SLC7A1: variants seen among roughly 807,000 people sequenced by gnomAD.
The protein encoded by SLC7A1 is solute carrier family 7 member 1.
A neutral mutation model predicts 53.9 loss-of-function variants in SLC7A1; 10 were observed. The observed-to-expected ratio is 0.19, with a 90% CI of 0.11 to 0.31. The LOEUF (loss-of-function observed/expected upper bound fraction) is 0.31. Ranked by LOEUF, SLC7A1 falls within the 10% of genes least tolerant of loss-of-function variation. SLC7A1 has a pLI of 1.00. For synonymous variants in SLC7A1, 342 were observed against 338.7 expected (o/e 1.01, Z -0.11); for missense variants, 525 against 827.2 (o/e 0.63, Z 4.48).
intron 3 of SLC7A1, 45 bp downstream of exon 3, chr13:29,535,774 C>T (rs1869383005): frequency 1.3e-6 from 2 of 1,577,090 alleles, no homozygotes; most frequent in Non-Finnish European, 1.7e-6. Flanking sequence ...TGGGAACAAA[C>T]AGAAAAGTGG....
chr13:29,517,818 C>G, intron 9 of SLC7A1, 28 bp from the exon 10 acceptor site: 1 of 1,577,390 alleles, frequency 6.3e-7, no homozygotes, highest in South Asian at 1.1e-5. Context: ...GCGTGACCGC[C>G]ACATCTGCTT....
At chr13:29,549,898 A>G (rs1298181108) in intron 2 of SLC7A1, among the ~76,000 whole-genome samples, 1 of 152,156 alleles carries the variant, frequency 6.6e-6, no homozygotes, top group Non-Finnish European at 1.5e-5. Context: ...AACGACCCCA[A>G]GTGATCCACC....
Position 29,514,476 on chromosome 13 carries a change from T to A in SLC7A1, c.*4A>T. 4 of 1,606,028 alleles carry A rather than the reference T, an allele frequency of 2.5e-6. No individual in the cohort carries two copies. Among genetic ancestry groups the A allele is most frequent in the Non-Finnish European group, 3.4e-6 (4 of 1,178,322 alleles). On this transcript the variant is annotated 3_prime_UTR_variant, in exon 13 of 13. Transcript: ENST00000380752. Reference sequence around the variant, plus strand: ...CTGCCACCTCCGGGGGGCGGGGCTGTGCGTCACTTGCACTGGTCCAAGTTG... The same window carrying A: ...CTGCCACCTCCGGGGGGCGGGGCTGAGCGTCACTTGCACTGGTCCAAGTTG...
At position 29,566,281 on chromosome 13, in the gene SLC7A1, C is replaced by A. The variant is rs776149172; in HGVS notation, c.-114-12421G>T. On this transcript the variant is annotated intron_variant, in intron 1 of 12. Transcript: ENST00000380752. ...TACAGCAATTCCATTAAGGTCAATG[C>A]TCAAGATAAAGGAAAGCAAGTGTCC... Among the ~76,000 whole-genome samples the A allele has an allele frequency of 5.7e-4, 87 of 152,280 alleles. 1 individual carries two copies. The highest frequency in any genetic ancestry group is 1.1e-3 in the Non-Finnish European group (74 of 68,024).
At position 29,532,918 on chromosome 13, in the gene SLC7A1, C is replaced by G. The variant is rs994922954; in HGVS notation, c.435G>C (p.Gly145=). The G allele has an allele frequency of 2.5e-6, 4 of 1,614,044 alleles. No homozygotes were observed. In the African/African-American group the frequency reaches 4.0e-5, roughly 16 times the overall value. ...GAGTCATGTGTGTCCGTGAGAACTC[C>G]CCGATGGGTCTGCCTATCAGCTCGT... is the stretch of plus-strand genomic sequence containing the variant. ...TFDELIGRPI[G]EFSRTHMTLN... The change falls in exon 4 of 13, where the codon GGG becomes GGC. Residue 145 remains glycine, a synonymous_variant. Transcript: ENST00000380752.
intron 1 of SLC7A1, among the ~76,000 whole-genome samples, chr13:29,557,768 T>C (rs1173032501): frequency 4.8e-5 from 4 of 82,792 alleles, no homozygotes; most frequent in African/African-American, 2.2e-4. Flanking sequence ...GGAGTGAATA[T>C]GAGTGAGGGA....
At chr13:29,580,432 T>TACA (rs1871594824) in intron 1 of SLC7A1, among the ~76,000 whole-genome samples, 23 of 152,046 alleles carry the variant, frequency 1.5e-4, no homozygotes, top group Non-Finnish European at 3.1e-4. Context: ...CTCCCCGTTT[T>TACA]GAGATCTATT....
At chr13:29,541,414 G>T (rs1420831402) in intron 2 of SLC7A1, among the ~76,000 whole-genome samples, 1 of 152,182 alleles carries the variant, frequency 6.6e-6, no homozygotes, top group Non-Finnish European at 1.5e-5. Flanking sequence ...TCAGAGGACA[G>T]GTCATAACTG....
chr13:29,549,365 G>T (rs1870072819), intron 2 of SLC7A1, among the ~76,000 whole-genome samples: 1 of 152,192 alleles, frequency 6.6e-6, no homozygotes, highest in Non-Finnish European at 1.5e-5. Context: ...GCCAGAGGGG[G>T]TGAAGGGTGG....
At chr13:29,519,251 G>A (rs749776954) in intron 9 of SLC7A1, among the ~76,000 whole-genome samples, 196 bp downstream of exon 9, 9 of 152,106 alleles carry the variant, frequency 5.9e-5, no homozygotes, top group Non-Finnish European at 8.8e-5. Flanking sequence ...AGGGGGGTGA[G>A]GGGCCACCCA....
chr13:29,579,037 G>T (rs1248344793), intron 1 of SLC7A1, among the ~76,000 whole-genome samples: 3 of 152,202 alleles, frequency 2.0e-5, no homozygotes, highest in Non-Finnish European at 4.4e-5. Context: ...AACCTTTCAG[G>T]CAGCAGACAG....
At chr13:29,524,101 G>T in intron 6 of SLC7A1, 31 bp downstream of exon 6, 1 of 1,610,230 alleles carries the variant, frequency 6.2e-7, no homozygotes, top group Non-Finnish European at 8.5e-7. Flanking sequence ...GGTGCAGGAG[G>T]ACCCGGGACC....
At chr13:29,527,516 C>T (rs754927676) in intron 5 of SLC7A1, among the ~76,000 whole-genome samples, 10 of 152,316 alleles carry the variant, frequency 6.6e-5, no homozygotes, top group Middle Eastern at 6.8e-3. Context: ...CTTTTACATG[C>T]GTGTGGCAGT....
chr13:29,544,166 G>A (rs1331990622), intron 2 of SLC7A1, among the ~76,000 whole-genome samples: 1 of 152,214 alleles, frequency 6.6e-6, no homozygotes, highest in Non-Finnish European at 1.5e-5. Flanking sequence ...GATCTTTACA[G>A]CGTGAATCTG....
At chr13:29,540,644 A>G (rs1869624364) in intron 2 of SLC7A1, among the ~76,000 whole-genome samples, 1 of 152,098 alleles carries the variant, frequency 6.6e-6, no homozygotes, top group South Asian at 2.1e-4. Context: ...GTTATACGAC[A>G]CTCGGAAATG....
intron 12 of SLC7A1, among the ~76,000 whole-genome samples, chr13:29,515,097 G>A (rs954751470): frequency 4.6e-5 from 7 of 152,226 alleles, no homozygotes; most frequent in African/African-American, 1.7e-4. Flanking sequence ...CTGCACACGG[G>A]ACTCCAGGGT....
chr13:29,539,368 G>A (rs952192379), intron 2 of SLC7A1, among the ~76,000 whole-genome samples: 6 of 152,206 alleles, frequency 3.9e-5, no homozygotes, highest in African/African-American at 9.6e-5. Flanking sequence ...ATGGAGGTGC[G>A]CAGATGCAAA....
At chr13:29,519,125 C>T (rs1034943283) in intron 9 of SLC7A1, among the ~76,000 whole-genome samples, 6 of 152,180 alleles carry the variant, frequency 3.9e-5, no homozygotes, top group East Asian at 3.9e-4. Flanking sequence ...AGAATCTGAA[C>T]CAAGTTGCAA....
chr13:29,538,885 CAGGGT>C (rs1869542902), intron 2 of SLC7A1, among the ~76,000 whole-genome samples: 1 of 151,394 alleles, frequency 6.6e-6, no homozygotes, highest in Non-Finnish European at 1.5e-5. Context: ...TGAAGAGAAA[CAGGGT>C]GTGAAAGCTC....
Sources: gnomAD v4.1 joint callset for allele counts (sites outside exome capture counted in the v4.1 genomes callset) on GRCh38, gnomAD v4.1.1 for gene constraint, MANE v1.5 for transcripts, NCBI Gene and HGNC (gene_info 2026-07-23, HGNC 2026-07-21) for gene names.